Variants in TFB2M observed in about 807,000 individuals in gnomAD.
The protein encoded by TFB2M is dimethyladenosine transferase 2, mitochondrial.
Under a neutral mutation model 41.3 loss-of-function variants are expected in TFB2M, and 44 were observed. The observed-to-expected ratio is 1.07, with a 90% CI of 0.84 to 1.37. The LOEUF (loss-of-function observed/expected upper bound fraction) is 1.37. Among genes scored for constraint, TFB2M ranks in the 40% most tolerant of loss-of-function variants. The pLI, the probability that TFB2M is intolerant of heterozygous loss-of-function variation, is 0.00. For synonymous variants in TFB2M, 188 were observed against 176.8 expected (o/e 1.06, Z -0.50); for missense variants, 496 against 490.2 (o/e 1.01, Z -0.11).
intron 7 of TFB2M, 129 bp from the exon 8 acceptor site, chr1:246,541,331 A>C: frequency 1.2e-6 from 1 of 828,862 alleles, no homozygotes; most frequent in South Asian, 1.8e-5. Flanking sequence ...TATAATGGAC[A>C]CGGGAGAATC....
chr1:246,547,110 A>C (rs913231277), intron 6 of TFB2M, among the ~76,000 whole-genome samples: 1 of 151,604 alleles, frequency 6.6e-6, no homozygotes, highest in Admixed American at 6.6e-5. Flanking sequence ...CAGCCTCCTG[A>C]GTAGCTGGGA....
At chr1:246,561,015 C>G (rs771887823) in intron 2 of TFB2M, among the ~76,000 whole-genome samples, 7 of 152,186 alleles carry the variant, frequency 4.6e-5, no homozygotes, top group Non-Finnish European at 7.3e-5. Flanking sequence ...ACCACTGAAA[C>G]TCCTTTCAGT....
intron 2 of TFB2M, among the ~76,000 whole-genome samples, chr1:246,559,649 T>C (rs971862851): frequency 6.6e-6 from 1 of 152,194 alleles, no homozygotes; most frequent in South Asian, 2.1e-4. Context: ...GTGGAAATCA[T>C]ACACATTTGG....
At chr1:246,559,709 G>T (rs1476990911) in intron 2 of TFB2M, among the ~76,000 whole-genome samples, 1 of 152,194 alleles carries the variant, frequency 6.6e-6, no homozygotes, top group Non-Finnish European at 1.5e-5. Context: ...GAGGTGCCAG[G>T]TAGGAAGTTG....
chr1:246,563,198 C>T (rs1324014143), intron 2 of TFB2M, among the ~76,000 whole-genome samples: 5 of 123,178 alleles, frequency 4.1e-5, no homozygotes, highest in Non-Finnish European at 8.4e-5. Flanking sequence ...TTTCTCTGAA[C>T]ACACTTTTTT....
At chr1:246,549,846 G>A (rs1659123744) in intron 5 of TFB2M, among the ~76,000 whole-genome samples, 2 of 152,166 alleles carry the variant, frequency 1.3e-5, no homozygotes, top group Non-Finnish European at 2.9e-5. Flanking sequence ...GTCACTTTAA[G>A]TGGGGGAAGA....
chr1:246,542,660 A>G (rs1383844386), intron 7 of TFB2M, among the ~76,000 whole-genome samples: 1 of 152,204 alleles, frequency 6.6e-6, no homozygotes, highest in Non-Finnish European at 1.5e-5. Context: ...CAACAGAGTG[A>G]GACTCTCTGT....
intron 1 of TFB2M, among the ~76,000 whole-genome samples, chr1:246,564,710 C>T (rs1414927793): frequency 1.3e-5 from 2 of 150,246 alleles, no homozygotes; most frequent in Non-Finnish European, 3.0e-5. Context: ...GACGAAGTCT[C>T]ACTCTGTCAC....
chr1:246,544,467 G>T, intron 7 of TFB2M, 54 bp downstream of exon 7: 2 of 1,463,876 alleles, frequency 1.4e-6, no homozygotes, highest in Non-Finnish European at 1.9e-6. Context: ...TAGCATGAAA[G>T]AATAATTTGT....
intron 1 of TFB2M, among the ~76,000 whole-genome samples, chr1:246,565,495 C>A (rs545513075): frequency 1.3e-5 from 2 of 152,298 alleles, no homozygotes; most frequent in African/African-American, 4.8e-5. Flanking sequence ...GGGAGGATCA[C>A]GAGGTCAAGA....
intron 6 of TFB2M, among the ~76,000 whole-genome samples, chr1:246,547,731 T>C (rs1203706618): frequency 2.6e-5 from 4 of 151,620 alleles, no homozygotes; most frequent in African/African-American, 4.8e-5. Flanking sequence ...AACTTCTGAA[T>C]TGAGTCAAAA....
At chr1:246,565,706 G>C in intron 1 of TFB2M, 120 bp downstream of exon 1, 6 of 1,137,534 alleles carry the variant, frequency 5.3e-6, no homozygotes, top group Non-Finnish European at 7.3e-6. Context: ...GCGAGACTCC[G>C]TCTCAAAGCA....
At chr1:246,553,546 T>C (rs1659241526) in intron 4 of TFB2M, among the ~76,000 whole-genome samples, 1 of 152,002 alleles carries the variant, frequency 6.6e-6, no homozygotes, top group Non-Finnish European at 1.5e-5. Flanking sequence ...TGCACGCCTG[T>C]AGTCCCACCT....
intron 7 of TFB2M, among the ~76,000 whole-genome samples, chr1:246,541,884 C>G (rs1188553293): frequency 6.6e-6 from 1 of 152,174 alleles, no homozygotes; most frequent in Non-Finnish European, 1.5e-5. Context: ...CATTATAAAG[C>G]CGCAAACTTC....
chr1:246,554,398 T>C (rs1287865677), intron 4 of TFB2M, among the ~76,000 whole-genome samples: 1 of 152,152 alleles, frequency 6.6e-6, no homozygotes, highest in Non-Finnish European at 1.5e-5. Context: ...TCCGTATTTA[T>C]AGCCGCTCCC....
chr1:246,553,881 T>C (rs1276815675), intron 4 of TFB2M, among the ~76,000 whole-genome samples: 1 of 152,090 alleles, frequency 6.6e-6, no homozygotes, highest in Non-Finnish European at 1.5e-5. Context: ...TCGAGGAAAC[T>C]CAAATAGCCT....
At position 246,544,660 on chromosome 1, in the gene TFB2M, G is replaced by C. The variant is rs1370323575; in HGVS notation, c.880C>G (p.Gln294Glu). Reference protein sequence around the residue: ...KRRELLDQLQQKLYLIQMIPR... With the variant: ...KRRELLDQLQEKLYLIQMIPR... The stretch of plus-strand genomic sequence containing the variant: ...ATCATTTGAATAAGATACAGCTTTT[G>C]TTGTAATTGGTCTAATAATTCCTGG... The change falls in exon 7 of 8, where the codon CAA becomes GAA. Residue 294 changes from glutamine to glutamate, a missense_variant. Coordinates refer to ENST00000366514, the MANE Select transcript of TFB2M (RefSeq NM_022366.3). 1.3e-6 allele frequency: 2 copies of C among 1,594,182 alleles called. No individual in the cohort carries two copies. The highest frequency in any genetic ancestry group is 2.7e-5 in the African/African-American group (2 of 73,388).
intron 4 of TFB2M, among the ~76,000 whole-genome samples, chr1:246,552,414 C>CA (rs1659210280): frequency 6.6e-6 from 1 of 152,156 alleles, no homozygotes. Context: ...ACTAGAGTCT[C>CA]AAATCTTAGG....
intron 7 of TFB2M, among the ~76,000 whole-genome samples, chr1:246,541,708 T>A (rs1658862005): frequency 6.6e-6 from 1 of 152,182 alleles, no homozygotes. Flanking sequence ...TTTGAAAAAA[T>A]TATTATGCCT....
Sources: allele counts gnomAD v4.1 joint callset (sites outside exome capture counted in the v4.1 genomes callset), GRCh38; gene constraint gnomAD v4.1.1; transcripts MANE v1.5; gene names NCBI Gene and HGNC (gene_info 2026-07-23, HGNC 2026-07-21).